Variants in CDH26 observed in about 807,000 individuals in gnomAD.
CDH26 encodes cadherin 26.
A neutral mutation model predicts 90.3 loss-of-function variants in CDH26; 83 were observed. The ratio of observed to expected loss-of-function variants is 0.92; its 90% CI spans 0.77 to 1.10. The LOEUF is 1.10. CDH26 is among the 50% of genes least tolerant of loss of function. The pLI is 0.00. For missense variants in CDH26, 1,013 were observed against 1,037.6 expected (o/e 0.98, Z 0.33); for synonymous variants, 397 against 396.3 (o/e 1.00, Z -0.02).
At chr20:59,966,316 C>T (rs1352192637) in intron 1 of CDH26, among the ~76,000 whole-genome samples, 1 of 150,268 alleles carries the variant, frequency 6.7e-6, no homozygotes, top group Non-Finnish European at 1.5e-5. Context: ...TGAGATAAAC[C>T]TTCTGCCTTG....
intron 7 of CDH26, among the ~76,000 whole-genome samples, chr20:60,027,663 C>T (rs917363577): frequency 1.3e-5 from 2 of 152,140 alleles, no homozygotes; most frequent in Non-Finnish European, 2.9e-5. Flanking sequence ...TAACCCACAT[C>T]CCAGAGAGGT....
rs2062063475 is a variant in CDH26, at chr20:60,033,788, T to TGTGTGTGC, written c.*119_*120insCGTGTGTG. On this transcript the variant is annotated 3_prime_UTR_variant, in exon 9 of 9. Coordinates refer to the CDH26 transcript ENST00000370991. ...GGTAGACAAGATGTGTGTGTGTGTG[T>TGTGTGTGC]GTGTGTGTGTGTGTGTGATCATGAA... 59 of 1,167,252 alleles carry TGTGTGTGC rather than the reference T, an allele frequency of 5.1e-5. No individual in the cohort carries two copies. In the South Asian group the frequency reaches 8.9e-4, roughly 18 times the overall value. The allele number at this position is 1,167,252 out of a possible 1,614,324, so 72.3% of individuals were successfully genotyped here.
At chr20:60,023,328 G>A (rs527353874) in intron 7 of CDH26, among the ~76,000 whole-genome samples, 1 of 152,306 alleles carries the variant, frequency 6.6e-6, no homozygotes, top group South Asian at 2.1e-4. Flanking sequence ...AATCTTAACT[G>A]ATACAAAATA....
rs1399343104 is a variant in CDH26 at position 59,984,788 on chromosome 20, G to A, written c.691G>A (p.Gly231Ser). 6.2e-7 allele frequency: 1 copy of A among 1,610,102 alleles called. No individual in the cohort carries two copies. Among genetic ancestry groups the A allele is most frequent in the East Asian group, 2.2e-5 (1 of 44,868 alleles). The stretch of plus-strand genomic sequence containing the variant: ...CCTTAGTGGAGAAATACGACTCTCT[G>A]GCTGCTTAGATTATGAGGTTATGTG... ...DRLSGEIRLS[G>S]CLDYETAPQF... Residue 231 changes from glycine (G) to serine (S), a missense_variant, in exon 6 of 18, where the codon GGC (glycine) becomes AGC (serine). Physicochemically the swap from Gly to Ser is moderately conservative, Grantham distance 56. Coordinates refer to ENST00000348616, the MANE Select transcript of CDH26 (RefSeq NM_177980.4).
chr20:59,986,659 A>AGCT (rs1491578213), intron 7 of CDH26, among the ~76,000 whole-genome samples: 1 of 140,682 alleles, frequency 7.1e-6, no homozygotes, highest in Non-Finnish European at 1.6e-5. Flanking sequence ...ACACACACAC[A>AGCT]CTCAGCTCTC....
intron 7 of CDH26, among the ~76,000 whole-genome samples, chr20:60,025,540 G>C (rs376151316): frequency 1.3e-5 from 2 of 152,168 alleles, no homozygotes; most frequent in Non-Finnish European, 2.9e-5. Flanking sequence ...CAGGGCCTTC[G>C]GGGTAAGCAG....
At chr20:59,961,715 C>G (rs996067937) in intron 1 of CDH26, among the ~76,000 whole-genome samples, 1 of 152,116 alleles carries the variant, frequency 6.6e-6, no homozygotes, top group Admixed American at 6.5e-5. Context: ...GCCAAATCAC[C>G]AAGTCAGGAT....
At chr20:60,014,855 A>T (rs1280944787), downstream of CDH26, among the ~76,000 whole-genome samples, 2 of 152,204 alleles carry the variant, frequency 1.3e-5, no homozygotes, top group East Asian at 3.9e-4. Context: ...TTCTATTTGT[A>T]GAGTTTTTGA....
downstream of CDH26, among the ~76,000 whole-genome samples, chr20:60,017,777 A>G (rs995303624): frequency 2.6e-5 from 4 of 152,044 alleles, no homozygotes; most frequent in South Asian, 4.1e-4. Flanking sequence ...TGTTTTTGCT[A>G]TGTTCCATAG....
intron 7 of CDH26, among the ~76,000 whole-genome samples, chr20:60,029,260 C>T (rs760184032): frequency 2.6e-5 from 4 of 152,172 alleles, no homozygotes; most frequent in Non-Finnish European, 4.4e-5. Flanking sequence ...TGCTGCACAA[C>T]GTGGCACCTA....
Position 59,985,330 on chromosome 20 carries a change from G to A in CDH26, c.837+201G>A, listed in dbSNP as rs528932823. Among the ~76,000 whole-genome samples, 8 of 152,278 alleles carry A rather than the reference G, an allele frequency of 5.3e-5. No homozygotes were observed. In the East Asian group the frequency reaches 7.7e-4, roughly 15 times the overall value. On this transcript the variant is annotated intron_variant, in intron 7 of 17. Transcript: ENST00000348616. ...TTACAGGAAGCCTGGGGCTGGCACC[G>A]GCTCAGCTTCTAGGGAGGCCTCAGG...
intron 12 of CDH26, 147 bp from the exon 13 acceptor site, chr20:59,996,484 T>C: frequency 6.2e-7 from 1 of 1,611,240 alleles, no homozygotes; most frequent in Admixed American, 1.7e-5. Flanking sequence ...GGAACTGTGC[T>C]GAACTTTATA....
At chr20:60,022,022 G>A (rs1312128524) in intron 7 of CDH26, among the ~76,000 whole-genome samples, 2 of 151,506 alleles carry the variant, frequency 1.3e-5, no homozygotes, top group Non-Finnish European at 2.9e-5. Context: ...GGATATTTCA[G>A]CCTTTCCCTT....
intron 8 of CDH26, among the ~76,000 whole-genome samples, chr20:60,032,902 G>A (rs1601237103): frequency 6.6e-6 from 1 of 151,208 alleles, no homozygotes; most frequent in Non-Finnish European, 1.5e-5. Flanking sequence ...AATGCTAGAT[G>A]ACGAGTTAGT....
intron 3 of CDH26, 125 bp from the exon 4 acceptor site, chr20:59,971,837 G>A (rs1304309467): frequency 3.0e-6 from 2 of 670,360 alleles, no homozygotes. Flanking sequence ...TATTTCTTTG[G>A]CAGATGTGCC....
At chr20:60,034,220 C>T (rs954213238), downstream of CDH26, among the ~76,000 whole-genome samples, 5 of 152,156 alleles carry the variant, frequency 3.3e-5, no homozygotes, top group African/African-American at 1.2e-4. Flanking sequence ...CTCTTCAAGA[C>T]AGAGTGTCAC....
chr20:59,972,940 T>G (rs1375483104), intron 4 of CDH26, among the ~76,000 whole-genome samples: 1 of 152,214 alleles, frequency 6.6e-6, no homozygotes, highest in African/African-American at 2.4e-5. Flanking sequence ...TCTCTAATTT[T>G]TAAATCGGTG....
At chr20:60,011,184 G>A (rs941473656) in intron 17 of CDH26, among the ~76,000 whole-genome samples, 6 of 152,212 alleles carry the variant, frequency 3.9e-5, no homozygotes, top group African/African-American at 1.2e-4. Context: ...TGAGAGGATG[G>A]GGCAGGGGAG....
chr20:60,006,860 G>A lies in CDH26; in HGVS notation c.2295+73G>A, dbSNP rs562905983. On this transcript the variant is annotated intron_variant, in intron 17 of 17. Transcript: ENST00000348616. ...CCCCACTGTGCTCCAGGCTTGATTT[G>A]GGGACACTTCCTCCTAAATCACTGC... is the stretch of plus-strand genomic sequence containing the variant. The A allele has an allele frequency of 1.6e-5, 18 of 1,119,424 alleles. No homozygotes were observed. The South Asian group carries it at 2.1e-4, about 13-fold the overall frequency. The allele number at this position is 1,119,424 out of a possible 1,614,324, so 69.3% of individuals were successfully genotyped here. A position where few individuals can be genotyped will look rare whatever the true frequency, so the allele number is the denominator to read the frequency against.
Sources: allele counts gnomAD v4.1 joint callset (sites outside exome capture counted in the v4.1 genomes callset), GRCh38; gene constraint gnomAD v4.1.1; transcripts MANE v1.5; gene names NCBI Gene and HGNC (gene_info 2026-07-23, HGNC 2026-07-21).